Variants in FBXL2 observed in about 807,000 individuals in gnomAD.
FBXL2 encodes F-box and leucine rich repeat protein 2.
Under a neutral mutation model 69.2 loss-of-function variants are expected in FBXL2, and 38 were observed. The observed-to-expected ratio is 0.55, with a 90% CI of 0.42 to 0.72. The LOEUF (loss-of-function observed/expected upper bound fraction) is 0.72, where lower values mean the gene tolerates loss of function less well. Ranked by LOEUF, FBXL2 falls within the 30% of genes least tolerant of loss-of-function variation. The probability of loss-of-function intolerance (pLI) is 0.00; values close to 1 mark genes in which losing one functional copy is unlikely to be tolerated. For missense variants in FBXL2, 354 were observed against 520.3 expected, an observed-to-expected ratio of 0.68 and a Z score of 3.11; for synonymous variants, 192 against 201.3, an observed-to-expected ratio of 0.95 and a Z score of 0.39.
intron 4 of FBXL2, among the ~76,000 whole-genome samples, chr3:33,360,607 A>G (rs2041541079): frequency 6.6e-6 from 1 of 152,156 alleles, no homozygotes; most frequent in African/African-American, 2.4e-5. Context: ...GGTGTTCTTT[A>G]GTGCTCTTTT....
intron 2 of FBXL2, among the ~76,000 whole-genome samples, chr3:33,355,020 C>T (rs2041096742): frequency 6.6e-6 from 1 of 152,112 alleles, no homozygotes; most frequent in Non-Finnish European, 1.5e-5. Flanking sequence ...GCTTGACCTC[C>T]CCGGGCTCTG....
chr3:33,363,108 T>G (rs2041741004), intron 4 of FBXL2, among the ~76,000 whole-genome samples: 1 of 152,194 alleles, frequency 6.6e-6, no homozygotes, highest in Non-Finnish European at 1.5e-5. Context: ...TGGCATGATC[T>G]TGGCTCACTA....
At chr3:33,392,909 C>CA, downstream of FBXL2, 1 of 363,628 alleles carries the variant, frequency 2.8e-6, no homozygotes, top group Non-Finnish European at 4.9e-6. Flanking sequence ...GCATAAAGTG[C>CA]TCTTCTATTA....
chr3:33,289,911 G>A, intron 1 of FBXL2: 1 of 369,672 alleles, frequency 2.7e-6, no homozygotes, highest in Non-Finnish European at 3.7e-6. Flanking sequence ...TGGGGGCATG[G>A]CAAGACAGCT....
chr3:33,350,992 G>A (rs552444544), intron 2 of FBXL2, among the ~76,000 whole-genome samples: 214 of 152,048 alleles, frequency 1.4e-3, no homozygotes, highest in African/African-American at 3.7e-3. Context: ...TGGGCCGGGC[G>A]TGGTAGCTCA....
At chr3:33,400,681 G>T (rs1175334847) in intron 12 of FBXL2, among the ~76,000 whole-genome samples, 3 of 152,084 alleles carry the variant, frequency 2.0e-5, no homozygotes, top group African/African-American at 7.2e-5. Flanking sequence ...ATGGGTGAGG[G>T]ATAAGAGAGA....
chr3:33,314,303 T>C (rs1377272415), intron 2 of FBXL2, among the ~76,000 whole-genome samples: 5 of 152,198 alleles, frequency 3.3e-5, no homozygotes, highest in African/African-American at 1.2e-4. Flanking sequence ...GTTTGTACCG[T>C]TTGACCAACA....
chr3:33,318,201 A>G (rs2037879992), intron 2 of FBXL2, among the ~76,000 whole-genome samples: 1 of 152,118 alleles, frequency 6.6e-6, no homozygotes, highest in Non-Finnish European at 1.5e-5. Context: ...GTGTGGGATG[A>G]AGGAGAGCAA....
chr3:33,322,869 A>G (rs2038356235), intron 2 of FBXL2, among the ~76,000 whole-genome samples: 1 of 152,158 alleles, frequency 6.6e-6, no homozygotes, highest in Non-Finnish European at 1.5e-5. Context: ...GATGAAGTCT[A>G]CTATGTTTTA....
chr3:33,342,893 G>GTT lies in FBXL2; in HGVS notation c.66-16056_66-16055dup, dbSNP rs60623868. Among the ~76,000 whole-genome samples, 224 of 99,250 alleles carry GTT rather than the reference G, an allele frequency of 2.3e-3. 4 individuals are homozygous for GTT. The East Asian group carries it at 0.024, about 11-fold the overall frequency. 65.1% of individuals were successfully genotyped at this position (99,250 alleles called of 152,430 possible). The stretch of plus-strand genomic sequence containing the variant: ...CAGGCGCCCGCCACCACGCCCAGCT[G>GTT]TTTTTTTTTTTTTTTTTTTGGTATT... On this transcript the variant is annotated intron_variant, in intron 2 of 14. Transcript: ENST00000484457.
chr3:33,299,146 A>G (rs1259920417), intron 2 of FBXL2, among the ~76,000 whole-genome samples: 1 of 151,842 alleles, frequency 6.6e-6, no homozygotes, highest in Non-Finnish European at 1.5e-5. Context: ...GGTTCAAGCG[A>G]TTCTCCTGCC....
chr3:33,381,367 G>C (rs552808386), intron 13 of FBXL2, among the ~76,000 whole-genome samples: 1 of 152,196 alleles, frequency 6.6e-6, no homozygotes, highest in Admixed American at 6.5e-5. Context: ...GAAATTGGCT[G>C]GGCACGGTGG....
chr3:33,341,416 G>T (rs1390957068), intron 2 of FBXL2, among the ~76,000 whole-genome samples: 1 of 152,132 alleles, frequency 6.6e-6, no homozygotes, highest in East Asian at 1.9e-4. Context: ...TGAGAACCAG[G>T]AGCTATAATG....
chr3:33,327,358 T>C (rs2038779966), intron 2 of FBXL2, among the ~76,000 whole-genome samples: 1 of 152,098 alleles, frequency 6.6e-6, no homozygotes, highest in Non-Finnish European at 1.5e-5. Flanking sequence ...ACTTCAAATA[T>C]CTTGTTCTTT....
At chr3:33,401,905 T>C (rs952026836) in intron 12 of FBXL2, among the ~76,000 whole-genome samples, 11 of 152,180 alleles carry the variant, frequency 7.2e-5, no homozygotes, top group Admixed American at 3.3e-4. Flanking sequence ...ACTGGTCCTC[T>C]GGTCACTCCT....
chr3:33,277,474 G>A lies in FBXL2; in HGVS notation c.-39G>A. 7.8e-7 allele frequency: 1 copy of A among 1,279,732 alleles called. No homozygotes were observed. The highest frequency in any genetic ancestry group is 3.9e-5 in the Admixed American group (1 of 25,418). 79.3% of individuals were successfully genotyped at this position (1,279,732 alleles called of 1,614,324 possible). On this transcript the variant is annotated 5_prime_UTR_variant, in exon 1 of 15. It adds an upstream start codon to the 5' untranslated region. Transcript: ENST00000484457. ...GGACAACGGGCGTCGCCGGCGCCGT[G>A]TGACTTCGGGCTGTGGGCTCGCTCG... is the stretch of plus-strand genomic sequence containing the variant.
the FBXL2 span, chr3:33,415,968 T>A: frequency 6.6e-6 from 1 of 152,104 alleles, no homozygotes. Context: ...ATTGCCTGAA[T>A]CCAATTCCCA....
intron 4 of FBXL2, among the ~76,000 whole-genome samples, chr3:33,363,731 T>C (rs2041782212): frequency 6.6e-6 from 1 of 152,220 alleles, no homozygotes; most frequent in South Asian, 2.1e-4. Context: ...TACTCTTTCT[T>C]ACCTCCATTT....
chr3:33,306,249 G>GT (rs147569503), intron 2 of FBXL2, among the ~76,000 whole-genome samples: 15,257 of 151,826 alleles, frequency 0.1, 805 homozygotes, highest in African/African-American at 0.12. Flanking sequence ...ACCCATACGT[G>GT]TTTTTTTAAA....
Sources: allele counts gnomAD v4.1 joint callset (sites outside exome capture counted in the v4.1 genomes callset), GRCh38; gene constraint gnomAD v4.1.1; transcripts MANE v1.5; gene names NCBI Gene and HGNC (gene_info 2026-07-23, HGNC 2026-07-21).